SLC12A3: variants seen among roughly 807,000 people sequenced by gnomAD.
SLC12A3 encodes solute carrier family 12 member 3.
Under a neutral mutation model 121.0 loss-of-function variants are expected in SLC12A3, and 104 were observed. That is an observed-to-expected ratio of 0.86 (90% CI 0.73 to 1.01). The LOEUF (loss-of-function observed/expected upper bound fraction) is 1.01. Ranked by LOEUF, SLC12A3 falls within the 50% of genes least tolerant of loss-of-function variation. The pLI is 0.00. For synonymous variants in SLC12A3, 536 were observed against 533.4 expected (o/e 1.00, Z -0.07); for missense variants, 1,328 against 1,356.3 (o/e 0.98, Z 0.33).
At chr16:56,894,459 G>A (rs1186447773) in intron 21 of SLC12A3, 72 bp from the exon 22 acceptor site, 35 of 1,058,404 alleles carry the variant, frequency 3.3e-5, no homozygotes, top group South Asian at 2.1e-4. Context: ...ATGGCAGAGC[G>A]GGGCAGGAAC....
rs139290131 is a variant in SLC12A3 at position 56,879,940 on chromosome 16, T to C, written c.1444-190T>C. On this transcript the variant is annotated intron_variant, in intron 11 of 25. Transcript: ENST00000563236. ...AGCCATCCATCCCCCAGTCATGCTCTTTTACTGTCTTTATGGTAGGGCGGG... is the reference window on the plus strand; with the variant it reads ...AGCCATCCATCCCCCAGTCATGCTCCTTTACTGTCTTTATGGTAGGGCGGG... Among the ~76,000 whole-genome samples, 971 of 152,212 alleles carry C rather than the reference T, an allele frequency of 6.4e-3. 13 individuals carry two copies. The highest frequency in any genetic ancestry group is 0.02 in the African/African-American group (819 of 41,542).
intron 3 of SLC12A3, among the ~76,000 whole-genome samples, chr16:56,869,244 G>T (rs1964432836): frequency 6.6e-6 from 1 of 152,162 alleles, no homozygotes; most frequent in African/African-American, 2.4e-5. Context: ...TTAAACGAGG[G>T]TAGCTTCCCC....
Position 56,902,204 on chromosome 16 carries a change from C to G in SLC12A3, c.2721-169C>G, listed in dbSNP as rs79342977. 1,153 of 807,652 alleles carry G rather than the reference C, an allele frequency of 1.4e-3. 15 individuals carry two copies. In the African/African-American group the frequency reaches 0.018, roughly 13 times the overall value. 50.0% of individuals were successfully genotyped at this position (807,652 alleles called of 1,614,324 possible). On this transcript the variant is annotated intron_variant, in intron 23 of 25. Coordinates refer to ENST00000563236, the MANE Select transcript of SLC12A3 (RefSeq NM_001126108.2). ...AGTTCAGTTGGATGCCAGACCCAGC[C>G]AGCAGAGCTGAATTCAACATGGAAG...
intron 25 of SLC12A3, among the ~76,000 whole-genome samples, chr16:56,911,421 C>T (rs539225930): frequency 6.6e-6 from 1 of 152,206 alleles, no homozygotes; most frequent in Admixed American, 6.5e-5. Context: ...ACCTCCCAGG[C>T]TCAAACGATC....
At chr16:56,894,402 A>G (rs957634395) in intron 21 of SLC12A3, 129 bp from the exon 22 acceptor site, 5 of 719,596 alleles carry the variant, frequency 6.9e-6, no homozygotes, top group East Asian at 2.7e-5. Flanking sequence ...TGTTCATTAT[A>G]CAGATGGGTC....
chr16:56,879,461 G>A lies in SLC12A3; in HGVS notation c.1336-81G>A, dbSNP rs533130338. ...GAGGCTCAGGACCCAGCCCCTGCCC[G>A]CAGTAGGGAATGAAGTGCCACAGAT... On this transcript the variant is annotated intron_variant, in intron 10 of 25. Transcript: ENST00000563236. 71 of 1,241,102 alleles carry A rather than the reference G, an allele frequency of 5.7e-5. No individual in the cohort carries two copies. The African/African-American group carries it at 7.7e-4, about 13-fold the overall frequency. The allele number at this position is 1,241,102 out of a possible 1,614,324, so 76.9% of individuals were successfully genotyped here. A position where few individuals can be genotyped will look rare whatever the true frequency, so the allele number is the denominator to read the frequency against.
At chr16:56,883,279 C>CTTTT (rs71152216) in intron 13 of SLC12A3, among the ~76,000 whole-genome samples, 53 of 119,516 alleles carry the variant, frequency 4.4e-4, no homozygotes, top group Admixed American at 6.6e-4. Context: ...CTTTTTCTTT[C>CTTTT]TTTTTTTTTT....
In SLC12A3 at chr16:56,894,823, C is replaced by T. The variant is rs2055440544; in HGVS notation, c.2633+181C>T. Among the ~76,000 whole-genome samples the T allele has an allele frequency of 2.0e-5, 3 of 152,262 alleles. 1 individual carries two copies. The South Asian group carries it at 6.2e-4, about 32-fold the overall frequency. ...AGTGGGCAGGAGCAGGAGCAGGTTT[C>T]TCTCCATTCCAGAAGTTGTTCTGGT... is the stretch of plus-strand genomic sequence containing the variant. On this transcript the variant is annotated intron_variant, in intron 22 of 25. Transcript: ENST00000563236.
Position 56,887,920 on chromosome 16 carries a change from G to A in SLC12A3, c.2179-5G>A. On this transcript the variant is annotated splice_region_variant and splice_polypyrimidine_tract_variant and intron_variant, in intron 17 of 25. Coordinates refer to ENST00000563236, the MANE Select transcript of SLC12A3 (RefSeq NM_001126108.2). ...GTTCCCCATCTCACCCCTATCCCCT[G>A]GCAGGCCGCAGGTCTCGGGAGAATG... 1 of 1,608,816 alleles carries A rather than the reference G, an allele frequency of 6.2e-7. No individual in the cohort carries two copies. Among genetic ancestry groups the A allele is most frequent in the Non-Finnish European group, 8.5e-7 (1 of 1,177,390 alleles).
chr16:56,906,942 C>T (rs1345428469), intron 25 of SLC12A3: 2 of 411,908 alleles, frequency 4.9e-6, no homozygotes, highest in South Asian at 2.6e-5. Flanking sequence ...GATTGGATCA[C>T]AGCCAAAGGA....
At chr16:56,892,700 A>T (rs191333606) in intron 20 of SLC12A3, among the ~76,000 whole-genome samples, 1 of 152,094 alleles carries the variant, frequency 6.6e-6, no homozygotes, top group African/African-American at 2.4e-5. Context: ...GGGAATGGAG[A>T]GTGCACTTCC....
At chr16:56,899,462 C>G in intron 22 of SLC12A3, 68 bp from the exon 23 acceptor site, 2 of 1,252,112 alleles carry the variant, frequency 1.6e-6, no homozygotes, top group Non-Finnish European at 2.3e-6. Context: ...GCACTCCAGC[C>G]TGGGAGACAG....
chr16:56,865,500 C>T lies in SLC12A3; in HGVS notation c.265C>T (p.Leu89=). The T allele has an allele frequency of 6.2e-7, 1 of 1,613,038 alleles. No individual in the cohort carries two copies. Among genetic ancestry groups the T allele is most frequent in the Non-Finnish European group, 8.5e-7 (1 of 1,180,050 alleles). The change falls in exon 1 of 26, where the codon CTG becomes TTG. Residue 89 remains leucine, a synonymous_variant. Coordinates refer to ENST00000563236, the MANE Select transcript of SLC12A3 (RefSeq NM_001126108.2). ...GAAGGTCCGGCCCACACTGGCTGAC[C>T]TGCACTCCTTCCTCAAGGTAAGTGC... ...PRKVRPTLAD[L]HSFLKQEGRH... is the part of the protein sequence containing the mutation.
chr16:56,902,262 C>G, intron 23 of SLC12A3, 111 bp from the exon 24 acceptor site: 1 of 1,385,868 alleles, frequency 7.2e-7, no homozygotes, highest in Non-Finnish European at 1.0e-6. Flanking sequence ...CGATGGGTTT[C>G]AGCCTGAAAA....
intron 16 of SLC12A3, 44 bp from the exon 17 acceptor site, chr16:56,886,909 G>T (rs1408451995): frequency 6.2e-7 from 1 of 1,612,226 alleles, no homozygotes; most frequent in Non-Finnish European, 8.5e-7. Context: ...TCAGGCTGGA[G>T]GGTGAAGGCA....
At chr16:56,890,995 C>T (rs1485816727) in intron 19 of SLC12A3, among the ~76,000 whole-genome samples, 10 of 151,514 alleles carry the variant, frequency 6.6e-5, no homozygotes, top group Admixed American at 3.3e-4. Flanking sequence ...TACATAATGA[C>T]CATGGGAACC....
At position 56,878,087 on chromosome 16, in the gene SLC12A3, T is replaced by C. The variant is rs1192223802; in HGVS notation, c.1106T>C (p.Ile369Thr). 6 of 1,276,132 alleles carry C rather than the reference T, an allele frequency of 4.7e-6. No homozygotes were observed. The highest frequency in any genetic ancestry group is 4.4e-5 in the African/African-American group (2 of 45,694). 79.1% of individuals were successfully genotyped at this position (1,276,132 alleles called of 1,614,324 possible). ...CCCTCCCTCCTTCAGGACCCTGCTA[T>C]AGCCATCCCCAAGGGGACCCTCATG... ...NISGDLKDPA[I>T]AIPKGTLMAI... Residue 369 changes from isoleucine (I) to threonine (T), a missense_variant, in exon 9 of 26, where the codon ATA becomes ACA. Ile to Thr is a moderately conservative substitution (Grantham distance 89, BLOSUM62 -1). Transcript: ENST00000563236.
At chr16:56,889,234 A>G (rs1204569132) in intron 18 of SLC12A3, among the ~76,000 whole-genome samples, 2 of 152,112 alleles carry the variant, frequency 1.3e-5, no homozygotes, top group Non-Finnish European at 2.9e-5. Flanking sequence ...GTGCTAACAG[A>G]ATTACAGCAG....
Position 56,913,784 on chromosome 16 carries a change from T to C in SLC12A3, c.*379T>C. On this transcript the variant is annotated 3_prime_UTR_variant, in exon 26 of 26. Transcript: ENST00000563236. The stretch of plus-strand genomic sequence containing the variant: ...TCTTGACAGTTTCTACAGACCTTCC[T>C]GGGTGAAAGTTCCTAAATCATGCCC... The C allele has an allele frequency of 3.0e-6, 1 of 331,426 alleles. No homozygotes were observed. Among genetic ancestry groups the C allele is most frequent in the Non-Finnish European group, 5.8e-6 (1 of 171,302 alleles). 20.5% of individuals were successfully genotyped at this position (331,426 alleles called of 1,614,324 possible). A position where few individuals can be genotyped will look rare whatever the true frequency, so the allele number is the denominator to read the frequency against.
Sources: allele counts gnomAD v4.1 joint callset (sites outside exome capture counted in the v4.1 genomes callset), GRCh38; gene constraint gnomAD v4.1.1; transcripts MANE v1.5; gene names NCBI Gene and HGNC (gene_info 2026-07-23, HGNC 2026-07-21).